Variants in LTBP1 observed in about 807,000 individuals in gnomAD.
The protein encoded by LTBP1 is latent transforming growth factor beta binding protein 1.
Under a neutral mutation model 207.6 loss-of-function variants are expected in LTBP1, and 129 were observed. The observed-to-expected ratio is 0.62, with a 90% CI of 0.54 to 0.72. LTBP1 has a LOEUF of 0.72. LTBP1 is among the 30% of genes least tolerant of loss of function. The pLI is 0.00. For synonymous variants in LTBP1, 963 were observed against 833.7 expected (o/e 1.16, Z -2.67); for missense variants, 2,281 against 2,217.2 (o/e 1.03, Z -0.58).
chr2:33,080,193 A>G (rs192648985), intron 3 of LTBP1, among the ~76,000 whole-genome samples: 1 of 151,958 alleles, frequency 6.6e-6, no homozygotes, highest in East Asian at 1.9e-4. Flanking sequence ...TGCCTGGCTA[A>G]TTTTTCTATG....
At chr2:33,115,577 C>T (rs1165232403) in intron 4 of LTBP1, among the ~76,000 whole-genome samples, 1 of 152,144 alleles carries the variant, frequency 6.6e-6, no homozygotes, top group African/African-American at 2.4e-5. Context: ...GACTCAGTTT[C>T]AGCTCCAAGG....
intron 3 of LTBP1, among the ~76,000 whole-genome samples, chr2:33,059,128 A>G (rs1238802625): frequency 4.6e-5 from 7 of 152,228 alleles, no homozygotes; most frequent in South Asian, 2.1e-4. Context: ...GCAACATTTA[A>G]GAAGTGTTTT....
chr2:33,337,559 G>A (rs976655410), intron 24 of LTBP1, among the ~76,000 whole-genome samples: 2 of 152,164 alleles, frequency 1.3e-5, no homozygotes, highest in Non-Finnish European at 2.9e-5. Flanking sequence ...AGTGTAAATA[G>A]CAACACTTGC....
chr2:33,070,536 G>C (rs565703921), intron 3 of LTBP1, among the ~76,000 whole-genome samples: 12 of 152,294 alleles, frequency 7.9e-5, no homozygotes, highest in African/African-American at 2.4e-4. Context: ...CCTCTTTACT[G>C]TTCGGTGATT....
At chr2:32,960,843 C>T (rs1678988686) in intron 2 of LTBP1, among the ~76,000 whole-genome samples, 1 of 152,108 alleles carries the variant, frequency 6.6e-6, no homozygotes, top group African/African-American at 2.4e-5. Context: ...GTTGTGGGAA[C>T]ATAGGTCATT....
At chr2:33,038,206 G>A (rs1389704059) in intron 3 of LTBP1, among the ~76,000 whole-genome samples, 1 of 152,162 alleles carries the variant, frequency 6.6e-6, no homozygotes, top group African/African-American at 2.4e-5. Context: ...TGTGGGTTAG[G>A]AATTCTCACC....
chr2:33,205,892 T>C (rs1160947019), intron 7 of LTBP1, among the ~76,000 whole-genome samples: 1 of 151,722 alleles, frequency 6.6e-6, no homozygotes, highest in African/African-American at 2.4e-5. Flanking sequence ...CAAAGAAGAG[T>C]CCATGTGAGC....
At position 33,381,541 on chromosome 2, in the gene LTBP1, G is replaced by A. The variant is rs142918779; in HGVS notation, c.4712-7643G>A. Among the ~76,000 whole-genome samples the A allele has an allele frequency of 6.5e-3, 995 of 152,208 alleles. 9 individuals are homozygous for A. Among genetic ancestry groups the A allele is most frequent in the Non-Finnish European group, 0.012 (806 of 68,014 alleles). ...TAGACTTCATTACTTCCCTGTCCTC[G>A]ACAAGTACAATTTAATTGAACATTA... On this transcript the variant is annotated intron_variant, in intron 31 of 33. Transcript: ENST00000404816.
chr2:33,396,044 A>G (rs2095355199), intron 32 of LTBP1, among the ~76,000 whole-genome samples: 1 of 151,894 alleles, frequency 6.6e-6, no homozygotes, highest in African/African-American at 2.4e-5. Context: ...AACACTCTTG[A>G]TGCCTGGCTA....
At chr2:33,053,989 C>T (rs2076869343) in intron 3 of LTBP1, among the ~76,000 whole-genome samples, 1 of 152,186 alleles carries the variant, frequency 6.6e-6, no homozygotes, top group Non-Finnish European at 1.5e-5. Flanking sequence ...TGGGGCAAGA[C>T]CATCCACATA....
At chr2:33,263,993 T>C (rs2093099247) in intron 15 of LTBP1, among the ~76,000 whole-genome samples, 2 of 148,734 alleles carry the variant, frequency 1.3e-5, no homozygotes, top group South Asian at 4.3e-4. Flanking sequence ...CGGTGGTTCA[T>C]GCCTGTAATC....
chr2:33,278,415 C>T (rs2093491085), intron 18 of LTBP1, among the ~76,000 whole-genome samples: 1 of 152,092 alleles, frequency 6.6e-6, no homozygotes, highest in Non-Finnish European at 1.5e-5. Flanking sequence ...GGACTAGAAC[C>T]AAACGTCCCC....
intron 24 of LTBP1, among the ~76,000 whole-genome samples, chr2:33,335,416 T>C (rs2094543628): frequency 6.6e-6 from 1 of 152,120 alleles, no homozygotes; most frequent in African/African-American, 2.4e-5. Flanking sequence ...TTCTGGCCTA[T>C]TCCCATCTCC....
intron 8 of LTBP1, among the ~76,000 whole-genome samples, chr2:33,219,161 T>C (rs1330581859): frequency 6.6e-6 from 1 of 152,208 alleles, no homozygotes; most frequent in South Asian, 2.1e-4. Flanking sequence ...GACTAACTTG[T>C]GGAAATGCCC....
At chr2:33,160,599 G>A (rs1302715996) in intron 5 of LTBP1, among the ~76,000 whole-genome samples, 1 of 152,160 alleles carries the variant, frequency 6.6e-6, no homozygotes, top group African/African-American at 2.4e-5. Context: ...TTCAGCACAG[G>A]TAGGTTGACC....
chr2:33,108,808 T>C lies in LTBP1; in HGVS notation c.864-1774T>C, dbSNP rs113046034. Among the ~76,000 whole-genome samples the C allele has an allele frequency of 7.6e-3, 1,164 of 152,322 alleles. 10 individuals carry two copies. The highest frequency in any genetic ancestry group is 0.013 in the Non-Finnish European group (886 of 68,028). ...TTTCCAAGAGGCTGATAGAAGAGACTTGTGGTTCTTATCAGTCACTACCAG... is the reference window on the plus strand; with the variant it reads ...TTTCCAAGAGGCTGATAGAAGAGACCTGTGGTTCTTATCAGTCACTACCAG... On this transcript the variant is annotated intron_variant, in intron 3 of 33. Coordinates refer to ENST00000404816, the MANE Select transcript of LTBP1 (RefSeq NM_206943.4).
At chr2:33,324,257 T>TATTGTTATAATTGTTATAACA (rs72087724) in intron 24 of LTBP1, among the ~76,000 whole-genome samples, 2 of 152,020 alleles carry the variant, frequency 1.3e-5, no homozygotes, top group African/African-American at 2.4e-5. Context: ...TGTTACAGTA[T>TATTGTTATAATTGTTATAACA]ATTGTTATAA....
intron 19 of LTBP1, among the ~76,000 whole-genome samples, chr2:33,284,100 C>T (rs1252637022): frequency 2.0e-5 from 3 of 152,200 alleles, no homozygotes; most frequent in African/African-American, 4.8e-5. Flanking sequence ...GCTTCTTTCA[C>T]AGACTAAATG....
At chr2:33,284,737 T>C (rs566411657) in intron 19 of LTBP1, among the ~76,000 whole-genome samples, 1 of 152,314 alleles carries the variant, frequency 6.6e-6, no homozygotes, top group South Asian at 2.1e-4. Context: ...ACATTTGATA[T>C]TGCTAATGTA....
Sources: allele counts gnomAD v4.1 joint callset (sites outside exome capture counted in the v4.1 genomes callset), GRCh38; gene constraint gnomAD v4.1.1; transcripts MANE v1.5; gene names NCBI Gene and HGNC (gene_info 2026-07-23, HGNC 2026-07-21).